The following ANHX variants were observed in gnomAD, a reference collection of about 807,000 sequenced individuals.
The protein encoded by ANHX is anomalous homeobox protein.
Under a neutral mutation model 38.9 loss-of-function variants are expected in ANHX, and 20 were observed. That is an observed-to-expected ratio of 0.51 (90% confidence interval 0.36 to 0.75). The LOEUF (loss-of-function observed/expected upper bound fraction) is 0.75. ANHX is among the 30% of genes least tolerant of loss of function. ANHX has a pLI of 0.00. For missense variants in ANHX, 475 were observed against 493.1 expected (o/e 0.96, Z 0.35); for synonymous variants, 185 against 203.1 (o/e 0.91, Z 0.76).
Position 133,226,518 on chromosome 12 carries a change from G to A in ANHX, c.719-80C>T, listed in dbSNP as rs143057784. On this transcript the variant is annotated intron_variant, in intron 5 of 9. Coordinates refer to ENST00000545940, the MANE Select transcript of ANHX (RefSeq NM_001372060.1). ...CTTCCCATCAGGTATGAGCAGCCCT[G>A]CTGGCTGGAAAAGGCTGTTGCCATG... 8,949 of 1,451,382 alleles carry A rather than the reference G, an allele frequency of 6.2e-3. 501 individuals are homozygous for A. In the African/African-American group the frequency reaches 0.11, roughly 18 times the overall value. The allele number at this position is 1,451,382 out of a possible 1,614,324, so 89.9% of individuals were successfully genotyped here. A position where few individuals can be genotyped will look rare whatever the true frequency, so the allele number is the denominator to read the frequency against.
chr12:133,227,529 T>C (rs935767340), intron 4 of ANHX, among the ~76,000 whole-genome samples: 3 of 152,228 alleles, frequency 2.0e-5, no homozygotes, highest in African/African-American at 7.2e-5. Flanking sequence ...GGAGAGCATG[T>C]CAGCTGGCAG....
At chr12:133,232,859 G>A (rs1957303433) in intron 2 of ANHX, among the ~76,000 whole-genome samples, 1 of 152,228 alleles carries the variant, frequency 6.6e-6, no homozygotes, top group Non-Finnish European at 1.5e-5. Context: ...CAATCTTGCA[G>A]TGAGAAAGGC....
chr12:133,218,533 C>T lies in ANHX; in HGVS notation c.*352G>A, dbSNP rs1957065779. On this transcript the variant is annotated 3_prime_UTR_variant, in exon 10 of 10. Transcript: ENST00000545940. ...TGGTGGAAAAGTCTGGCTGTGTGCA[C>T]GGGCAGACGGCAAGGCAGCCAGCAG... is the stretch of plus-strand genomic sequence containing the variant. 2 of 178,344 alleles carry T rather than the reference C, an allele frequency of 1.1e-5. No homozygotes were observed. The highest frequency in any genetic ancestry group is 2.4e-5 in the African/African-American group (1 of 42,348). 11.0% of individuals were successfully genotyped at this position (178,344 alleles called of 1,614,324 possible).
At position 133,234,103 on chromosome 12, in the gene ANHX, C is replaced by T. The variant is rs545452878; in HGVS notation, c.249+5G>A. The T allele has an allele frequency of 1.4e-4, 213 of 1,535,206 alleles. 2 individuals are homozygous for T. The Admixed American group carries it at 2.0e-3, about 14-fold the overall frequency. ...CTGTACCCTACCCCTGTAGCCCAGGCCTACCTCCAGGAGGCGGCAAGCCGC... is the reference window on the plus strand; with the variant it reads ...CTGTACCCTACCCCTGTAGCCCAGGTCTACCTCCAGGAGGCGGCAAGCCGC... On this transcript the variant is annotated splice_donor_5th_base_variant and intron_variant, in intron 2 of 9. Coordinates refer to ENST00000545940, the MANE Select transcript of ANHX (RefSeq NM_001372060.1).
intron 7 of ANHX, among the ~76,000 whole-genome samples, chr12:133,224,283 AAAAG>A (rs200522984): frequency 0.15 from 22,350 of 152,032 alleles, 3,804 homozygotes; most frequent in African/African-American, 0.42. Flanking sequence ...AGACAATGTA[AAAAG>A]AAAAAGGAAA....
chr12:133,226,781 C>T (rs1957195139), intron 5 of ANHX, among the ~76,000 whole-genome samples, 155 bp downstream of exon 5: 1 of 152,154 alleles, frequency 6.6e-6, no homozygotes, highest in Non-Finnish European at 1.5e-5. Flanking sequence ...GAGCCTCAGA[C>T]CTCGGACCCT....
At chr12:133,234,568 C>T in intron 1 of ANHX, 190 bp from the exon 2 acceptor site, 3 of 638,406 alleles carry the variant, frequency 4.7e-6, no homozygotes, top group Non-Finnish European at 7.9e-6. Flanking sequence ...GAATTTCCTT[C>T]TAATCCCCCA....
Position 133,221,138 on chromosome 12 carries a change from C to A in ANHX, c.1280+67G>T. 6.6e-7 allele frequency: 1 copy of A among 1,511,144 alleles called. No homozygotes were observed. Among genetic ancestry groups the A allele is most frequent in the South Asian group, 1.2e-5 (1 of 81,296 alleles). The allele number at this position is 1,511,144 out of a possible 1,614,324, so 93.6% of individuals were successfully genotyped here. On this transcript the variant is annotated intron_variant, in intron 8 of 9. Transcript: ENST00000545940. This position sits in a 1 kb window ranked among gnomAD's most constrained non-coding sequence, Gnocchi z 4.1. ...CAGTCCGGGACGGTGAGTCTATAAA[C>A]TGGGCATTACCCTATCTTGTGGCCT...
intron 7 of ANHX, among the ~76,000 whole-genome samples, chr12:133,222,618 TA>T (rs1423756692): frequency 9.2e-5 from 14 of 151,966 alleles, no homozygotes; most frequent in Admixed American, 8.5e-4. Flanking sequence ...AACAGTTAAA[TA>T]AAAAGGACAG....
intron 3 of ANHX, among the ~76,000 whole-genome samples, chr12:133,231,245 C>T (rs1957269828): frequency 6.6e-6 from 1 of 152,212 alleles, no homozygotes; most frequent in African/African-American, 2.4e-5. Context: ...GCCTTAGCCT[C>T]AGTCACCCTG....
chr12:133,230,196 C>T (rs1052655488), intron 3 of ANHX, among the ~76,000 whole-genome samples: 3 of 152,230 alleles, frequency 2.0e-5, no homozygotes, highest in Admixed American at 6.5e-5. Context: ...TCATCCCCAG[C>T]ACCTCCCAGA....
chr12:133,232,594 G>A (rs563172739), intron 2 of ANHX, among the ~76,000 whole-genome samples: 3 of 152,272 alleles, frequency 2.0e-5, no homozygotes, highest in Non-Finnish European at 2.9e-5. Context: ...GTTGCCACCC[G>A]TTCTTGATGT....
intron 3 of ANHX, among the ~76,000 whole-genome samples, chr12:133,229,531 A>G (rs561556247): frequency 6.6e-6 from 1 of 152,074 alleles, no homozygotes; most frequent in East Asian, 1.9e-4. Context: ...ACCTCCTGCC[A>G]TGTGTACAGC....
chr12:133,234,794 GAC>G (rs1318634271), intron 1 of ANHX: 1 of 177,148 alleles, frequency 5.6e-6, no homozygotes, highest in African/African-American at 2.4e-5. Flanking sequence ...CAATGTCAAA[GAC>G]ACACTTTGCA....
rs1044891655 is a variant in ANHX at position 133,221,041 on chromosome 12, T to C, written c.1280+164A>G. Among the ~76,000 whole-genome samples, 2 of 152,150 alleles carry C rather than the reference T, an allele frequency of 1.3e-5. No individual in the cohort carries two copies. The highest frequency in any genetic ancestry group is 2.4e-5 in the African/African-American group (1 of 41,422). On this transcript the variant is annotated intron_variant, in intron 8 of 9. Transcript: ENST00000545940. This position sits in a 1 kb window ranked among gnomAD's most constrained non-coding sequence, Gnocchi z 4.1. ...GCTCTCCTGAGAGAAAAACTACCCT[T>C]TTCTTCATAGGTGTAGGCTTGTGGG...
chr12:133,222,643 G>C (rs1957126259), intron 7 of ANHX, among the ~76,000 whole-genome samples: 1 of 152,128 alleles, frequency 6.6e-6, no homozygotes, highest in African/African-American at 2.4e-5. Context: ...AAAATGGAAG[G>C]TCAGTATGAT....
intron 4 of ANHX, among the ~76,000 whole-genome samples, chr12:133,227,617 T>A (rs887909624): frequency 6.6e-6 from 1 of 152,202 alleles, no homozygotes; most frequent in Non-Finnish European, 1.5e-5. Flanking sequence ...TACACAGATG[T>A]TATGACTCCA....
In ANHX at chr12:133,223,538, C is replaced by T. The variant is rs185220429; in HGVS notation, c.1132+1998G>A. ...TCAGCTCACTGCAACCTCCACCTCC[C>T]GGGTTCAAGTGATTCTCCTGCCTCA... On this transcript the variant is annotated intron_variant, in intron 7 of 9. Transcript: ENST00000545940. 2.8e-3 allele frequency among the ~76,000 whole-genome samples: 417 copies of T among 151,518 alleles called. 1 individual carries two copies. The highest frequency in any genetic ancestry group is 9.1e-3 in the African/African-American group (376 of 41,292).
intron 7 of ANHX, among the ~76,000 whole-genome samples, chr12:133,224,932 A>G (rs1017051794): frequency 1.4e-5 from 2 of 147,774 alleles, no homozygotes; most frequent in Non-Finnish European, 3.0e-5. Flanking sequence ...ACGCCACTGC[A>G]CTCCAGCCTG....
Sources: allele counts gnomAD v4.1 joint callset (sites outside exome capture counted in the v4.1 genomes callset), GRCh38; gene constraint gnomAD v4.1.1; non-coding constraint Gnocchi (gnomAD v3.1); transcripts MANE v1.5; gene names NCBI Gene and HGNC (gene_info 2026-07-23, HGNC 2026-07-21).